The following GRM3 variants were observed in gnomAD, a reference collection of about 807,000 sequenced individuals.
GRM3 encodes glutamate metabotropic receptor 3.
GRM3 carries 26 observed loss-of-function variants against 70.5 expected under a neutral mutation model. That is an observed-to-expected ratio of 0.37 (90% CI 0.27 to 0.51). The LOEUF (loss-of-function observed/expected upper bound fraction) is 0.51, where lower values mean the gene tolerates loss of function less well. GRM3 is among the 20% of genes least tolerant of loss of function. The pLI, the probability that GRM3 is intolerant of heterozygous loss-of-function variation, is 0.93. For missense variants in GRM3, 859 were observed against 1,123.8 expected, an observed-to-expected ratio of 0.76 and a Z score of 3.37; for synonymous variants, 443 against 434.9, an observed-to-expected ratio of 1.02 and a Z score of -0.23.
At position 86,845,735 on chromosome 7, in the gene GRM3, C is replaced by T. The variant is rs147505111; in HGVS notation, c.2392-4635C>T. On this transcript the variant is annotated intron_variant, in intron 4 of 5. Coordinates refer to ENST00000361669, the MANE Select transcript of GRM3 (RefSeq NM_000840.3). ...CAGCTCCTTGCCAATAAATAAGACA[C>T]ATTTGTTTTCAGTTTTAAGCACTCA... Among the ~76,000 whole-genome samples the T allele has an allele frequency of 1.8e-4, 28 of 152,234 alleles. No individual in the cohort carries two copies. In the East Asian group the frequency reaches 5.0e-3, roughly 27 times the overall value.
Position 86,859,537 on chromosome 7 carries a change from A to G in GRM3, c.2567-4745A>G, listed in dbSNP as rs1798914548. Among the ~76,000 whole-genome samples the G allele has an allele frequency of 2.6e-5, 4 of 152,256 alleles. No individual in the cohort carries two copies. The South Asian group carries it at 8.3e-4, about 32-fold the overall frequency. ...GATTCCATGACCATAATAGTAAAAT[A>G]TCTAAACAAACAGACTTCCTGGGAA... On this transcript the variant is annotated intron_variant, in intron 5 of 5. Transcript: ENST00000361669.
intron 1 of GRM3, among the ~76,000 whole-genome samples, chr7:86,674,643 C>T (rs1794260952): frequency 6.6e-6 from 1 of 152,082 alleles, no homozygotes; most frequent in Non-Finnish European, 1.5e-5. Flanking sequence ...AGATATCTCC[C>T]ATTATGCACA....
chr7:86,714,711 C>T (rs1386186758), intron 1 of GRM3, among the ~76,000 whole-genome samples: 1 of 152,006 alleles, frequency 6.6e-6, no homozygotes, highest in African/African-American at 2.4e-5. Flanking sequence ...TGCTCCCAAA[C>T]TCCCAAACAG....
At chr7:86,844,704 G>A (rs1798620588) in intron 4 of GRM3, among the ~76,000 whole-genome samples, 1 of 152,158 alleles carries the variant, frequency 6.6e-6, no homozygotes, top group South Asian at 2.1e-4. Context: ...TAGAAGTAGA[G>A]GTAGAACCTG....
intron 1 of GRM3, among the ~76,000 whole-genome samples, chr7:86,717,073 G>T (rs960972074): frequency 3.1e-4 from 47 of 151,834 alleles, no homozygotes; most frequent in African/African-American, 1.1e-3. Flanking sequence ...TAATAATGAA[G>T]ATTGAGTGAG....
At chr7:86,859,615 G>C (rs1490686931) in intron 5 of GRM3, among the ~76,000 whole-genome samples, 2 of 152,154 alleles carry the variant, frequency 1.3e-5, no homozygotes, top group Non-Finnish European at 2.9e-5. Flanking sequence ...GGAGCAAACT[G>C]GAATGTCTGT....
chr7:86,764,218 G>C (rs1208800309), intron 1 of GRM3, among the ~76,000 whole-genome samples: 1 of 152,034 alleles, frequency 6.6e-6, no homozygotes, highest in Non-Finnish European at 1.5e-5. Context: ...AGTTGGCCCA[G>C]GGAGAGGTAG....
chr7:86,643,987 C>T lies in GRM3; in HGVS notation c.-1026C>T, dbSNP rs1793391959. 6.5e-6 allele frequency: 1 copy of T among 152,808 alleles called. No homozygotes were observed. The highest frequency in any genetic ancestry group is 2.1e-4 in the South Asian group (1 of 4,836). The allele number at this position is 152,808 out of a possible 1,614,324, so 9.5% of individuals were successfully genotyped here. On this transcript the variant is annotated 5_prime_UTR_variant, in exon 1 of 6. Coordinates refer to ENST00000361669, the MANE Select transcript of GRM3 (RefSeq NM_000840.3). ...CTCTCACACTCCCTCTCTGCTCCCG[C>T]TCTCCTAATCTCCTCTGGCATGCGG...
At chr7:86,761,739 T>C (rs759542990) in intron 1 of GRM3, among the ~76,000 whole-genome samples, 4 of 152,118 alleles carry the variant, frequency 2.6e-5, no homozygotes, top group Non-Finnish European at 4.4e-5. Context: ...GTTCATATAA[T>C]TTTTATCTCT....
At chr7:86,725,575 A>G (rs191680377) in intron 1 of GRM3, among the ~76,000 whole-genome samples, 25 of 152,284 alleles carry the variant, frequency 1.6e-4, no homozygotes, top group African/African-American at 6.0e-4. Context: ...GACTCCCACT[A>G]TCAACAATAC....
chr7:86,848,709 C>G (rs1173869046), intron 4 of GRM3, among the ~76,000 whole-genome samples: 1 of 152,114 alleles, frequency 6.6e-6, no homozygotes, highest in Non-Finnish European at 1.5e-5. Context: ...TCCATGCATA[C>G]CATTCACATA....
At chr7:86,855,625 CAA>C (rs1798832208) in intron 5 of GRM3, among the ~76,000 whole-genome samples, 1 of 152,058 alleles carries the variant, frequency 6.6e-6, no homozygotes, top group Non-Finnish European at 1.5e-5. Context: ...CTTATTATCA[CAA>C]AGTTTTTTCG....
chr7:86,781,246 C>A (rs1249154597), intron 2 of GRM3, among the ~76,000 whole-genome samples: 1 of 151,666 alleles, frequency 6.6e-6, no homozygotes, highest in East Asian at 1.9e-4. Flanking sequence ...CCAAAAAAGC[C>A]TTACCCAAAA....
chr7:86,742,638 G>A (rs1283076167), intron 1 of GRM3, among the ~76,000 whole-genome samples: 1 of 152,124 alleles, frequency 6.6e-6, no homozygotes, highest in Non-Finnish European at 1.5e-5. Flanking sequence ...AAGTCGGGTG[G>A]AAGAGTTTAG....
At chr7:86,661,771 T>C in intron 1 of GRM3, among the ~76,000 whole-genome samples, 1 of 151,770 alleles carries the variant, frequency 6.6e-6, no homozygotes, top group East Asian at 1.9e-4. Flanking sequence ...GCAAGATGTG[T>C]TTTTTAAATG....
chr7:86,662,361 ATGAC>A (rs1351667961), intron 1 of GRM3, among the ~76,000 whole-genome samples: 1 of 151,902 alleles, frequency 6.6e-6, no homozygotes, highest in Non-Finnish European at 1.5e-5. Flanking sequence ...CTTAAAAATA[ATGAC>A]TGTTGAATAA....
chr7:86,801,659 C>A (rs982709261), intron 3 of GRM3, among the ~76,000 whole-genome samples: 3 of 152,004 alleles, frequency 2.0e-5, no homozygotes, highest in African/African-American at 7.3e-5. Flanking sequence ...CTAGTAAGGG[C>A]AATAAGAGAG....
chr7:86,738,274 G>A (rs906374210), intron 1 of GRM3, among the ~76,000 whole-genome samples: 2 of 152,146 alleles, frequency 1.3e-5, no homozygotes, highest in African/African-American at 4.8e-5. Context: ...ACTGGAAGAT[G>A]TCAAATTCAC....
At chr7:86,835,754 G>A (rs1394203490) in intron 3 of GRM3, among the ~76,000 whole-genome samples, 1 of 152,012 alleles carries the variant, frequency 6.6e-6, no homozygotes, top group Admixed American at 6.6e-5. Context: ...GGGAACACAG[G>A]CATGTGCCAC....
Sources: allele counts gnomAD v4.1 joint callset (sites outside exome capture counted in the v4.1 genomes callset), GRCh38; gene constraint gnomAD v4.1.1; transcripts MANE v1.5; gene names NCBI Gene and HGNC (gene_info 2026-07-23, HGNC 2026-07-21).